ZMYM5: variants seen among roughly 807,000 people sequenced by gnomAD.
ZMYM5 encodes the protein zinc finger MYM-type protein 5.
Under a neutral mutation model 61.8 loss-of-function variants are expected in ZMYM5, and 41 were observed. The ratio of observed to expected loss-of-function variants is 0.66; its 90% CI spans 0.52 to 0.86. The LOEUF is 0.86. Among genes scored for constraint, ZMYM5 ranks in the 40% least tolerant of loss-of-function variants. ZMYM5 has a pLI of 0.00. For synonymous variants in ZMYM5, 257 were observed against 276.4 expected, an observed-to-expected ratio of 0.93 and a Z score of 0.70; for missense variants, 706 against 786.7, an observed-to-expected ratio of 0.90 and a Z score of 1.23.
intron 2 of ZMYM5, among the ~76,000 whole-genome samples, 183 bp downstream of exon 2, chr13:19,862,216 C>T (rs183331609): frequency 1.3e-4 from 20 of 152,218 alleles, no homozygotes; most frequent in African/African-American, 4.1e-4. Context: ...TAAATGTCAG[C>T]ACTCCCCGTG....
At chr13:19,825,907 G>A (rs2138472394) in intron 7 of ZMYM5, among the ~76,000 whole-genome samples, 1 of 152,116 alleles carries the variant, frequency 6.6e-6, no homozygotes, top group East Asian at 1.9e-4. Context: ...TGGGAGTGGT[G>A]GGGCAGGTAC....
At chr13:19,840,834 T>A (rs896783625) in intron 4 of ZMYM5, among the ~76,000 whole-genome samples, 1 of 151,872 alleles carries the variant, frequency 6.6e-6, no homozygotes, top group African/African-American at 2.4e-5. Context: ...CCCGCCACCA[T>A]GCCCGGCTAA....
intron 2 of ZMYM5, among the ~76,000 whole-genome samples, chr13:19,862,165 CTT>C (rs1261388487): frequency 2.6e-5 from 4 of 152,084 alleles, no homozygotes; most frequent in Non-Finnish European, 5.9e-5. Context: ...AGAGAGCTAA[CTT>C]TAAATCTTGT....
chr13:19,856,741 T>G (rs995686274), intron 2 of ZMYM5, among the ~76,000 whole-genome samples: 3 of 147,886 alleles, frequency 2.0e-5, no homozygotes, highest in African/African-American at 7.6e-5. Context: ...ACCCGGGAGG[T>G]AGAAGTTGCA....
intron 7 of ZMYM5, among the ~76,000 whole-genome samples, chr13:19,833,704 CT>C (rs1222136848): frequency 1.3e-5 from 2 of 152,006 alleles, no homozygotes; most frequent in African/African-American, 4.8e-5. Context: ...GCAAAGATTC[CT>C]TAAATACACA....
chr13:19,828,283 G>A (rs573244089), intron 7 of ZMYM5, among the ~76,000 whole-genome samples: 1 of 152,226 alleles, frequency 6.6e-6, no homozygotes, highest in Non-Finnish European at 1.5e-5. Flanking sequence ...AGACCAGCCT[G>A]GCCAACATGG....
At chr13:19,845,487 T>A (rs1041753237) in intron 4 of ZMYM5, among the ~76,000 whole-genome samples, 3 of 152,228 alleles carry the variant, frequency 2.0e-5, no homozygotes, top group Admixed American at 1.3e-4. Context: ...ATTCTGATGC[T>A]AATGTACTCA....
At position 19,852,060 on chromosome 13, in the gene ZMYM5, G is replaced by A. The variant is rs1335919853; in HGVS notation, c.121C>T (p.Pro41Ser). 3 of 1,613,854 alleles carry A rather than the reference G, an allele frequency of 1.9e-6. No individual in the cohort carries two copies. Among genetic ancestry groups the A allele is most frequent in the South Asian group, 2.2e-5 (2 of 91,074 alleles). The change falls in exon 3 of 8, where the codon CCT becomes TCT. Residue 41 changes from proline to serine, a missense_variant. Transcript: ENST00000337963. ...GAGTTCCTAGATCTACTGACTAAAG[G>A]ACAAGCTGGATGACCAAATGAATCC... ...IGDSFGHPAC[P>S]LVSRSRNSPV...
chr13:19,861,684 A>G (rs923254543), intron 2 of ZMYM5, among the ~76,000 whole-genome samples: 2 of 152,202 alleles, frequency 1.3e-5, no homozygotes, highest in Non-Finnish European at 2.9e-5. Context: ...TGAATCCCAG[A>G]TAATAAAAAT....
chr13:19,851,869 T>G lies in ZMYM5; in HGVS notation c.312A>C (p.Arg104Ser), dbSNP rs1265039067. ...GNYSVIPPSS[R>S]DLASQKGNIS... ...TATTTCCTTTCTGAGATGCCAAATC[T>G]CTTGAAGAAGGAGGAATTACAGAAT... The change falls in exon 3 of 8, where the codon AGA becomes AGC. Residue 104 changes from arginine (R) to serine (S), a missense_variant. Physicochemically the swap from Arg to Ser is moderately radical, Grantham distance 110. Coordinates refer to ENST00000337963, the MANE Select transcript of ZMYM5 (RefSeq NM_001142684.2). The G allele has an allele frequency of 6.2e-7, 1 of 1,611,822 alleles. No individual in the cohort carries two copies. Among genetic ancestry groups the G allele is most frequent in the African/African-American group, 1.3e-5 (1 of 74,682 alleles).
chr13:19,828,346 C>G (rs1015526695), intron 7 of ZMYM5, among the ~76,000 whole-genome samples: 1 of 151,976 alleles, frequency 6.6e-6, no homozygotes, highest in South Asian at 2.1e-4. Flanking sequence ...TGGTGGCGCG[C>G]ACCTGTAATC....
chr13:19,851,293 A>G, intron 4 of ZMYM5, 62 bp downstream of exon 4: 2 of 1,352,240 alleles, frequency 1.5e-6, no homozygotes, highest in Non-Finnish European at 2.1e-6. Context: ...TATGAGCTTT[A>G]CTAAAAAGAA....
intron 7 of ZMYM5, among the ~76,000 whole-genome samples, chr13:19,834,886 G>A (rs1952626109): frequency 6.6e-6 from 1 of 151,556 alleles, no homozygotes; most frequent in South Asian, 2.1e-4. Flanking sequence ...AGGGGGTTTT[G>A]TCATGTTGCC....
At chr13:19,842,215 C>T (rs1952903676) in intron 4 of ZMYM5, among the ~76,000 whole-genome samples, 2 of 152,156 alleles carry the variant, frequency 1.3e-5, no homozygotes, top group African/African-American at 2.4e-5. Flanking sequence ...TTCCACCAAC[C>T]CACCTACCCC....
intron 4 of ZMYM5, among the ~76,000 whole-genome samples, chr13:19,847,700 T>C (rs1419548716): frequency 6.6e-6 from 1 of 150,896 alleles, no homozygotes; most frequent in African/African-American, 2.4e-5. Context: ...TGGAGTGCAG[T>C]GGCGTGATCT....
chr13:19,828,018 C>CAAAAAAAAAAAA (rs66670324), intron 7 of ZMYM5, among the ~76,000 whole-genome samples: 2 of 65,858 alleles, frequency 3.0e-5, no homozygotes, highest in African/African-American at 5.9e-5. Flanking sequence ...GACTCCATCT[C>CAAAAAAAAAAAA]AAAAAAAAAA....
At chr13:19,843,088 T>C (rs1406926036) in intron 4 of ZMYM5, among the ~76,000 whole-genome samples, 1 of 151,310 alleles carries the variant, frequency 6.6e-6, no homozygotes, top group Admixed American at 6.6e-5. Flanking sequence ...AGTGCTGCAA[T>C]TACAGGCGTG....
At chr13:19,859,149 C>T (rs987744438) in intron 2 of ZMYM5, among the ~76,000 whole-genome samples, 1 of 152,006 alleles carries the variant, frequency 6.6e-6, no homozygotes, top group Non-Finnish European at 1.5e-5. Flanking sequence ...AAAAATGTCC[C>T]CTCTCCTACT....
chr13:19,827,756 G>A (rs758176534), intron 7 of ZMYM5, among the ~76,000 whole-genome samples: 4 of 152,062 alleles, frequency 2.6e-5, no homozygotes, highest in Non-Finnish European at 4.4e-5. Context: ...TGTGGGCTGG[G>A]CACGGTGGCT....
Sources: allele counts gnomAD v4.1 joint callset (sites outside exome capture counted in the v4.1 genomes callset), GRCh38; gene constraint gnomAD v4.1.1; transcripts MANE v1.5; gene names NCBI Gene and HGNC (gene_info 2026-07-23, HGNC 2026-07-21).